RNLS: variants seen among roughly 807,000 people sequenced by gnomAD.
RNLS encodes the protein renalase.
RNLS carries 39 observed loss-of-function variants against 39.8 expected under a neutral mutation model. The ratio of observed to expected loss-of-function variants is 0.98; its 90% CI spans 0.76 to 1.28. RNLS has a LOEUF of 1.28. Among genes scored for constraint, RNLS ranks in the 50% most tolerant of loss-of-function variants. The pLI, the probability that RNLS is intolerant of heterozygous loss-of-function variation, is 0.00. For missense variants in RNLS, 410 were observed against 413.3 expected, an observed-to-expected ratio of 0.99 and a Z score of 0.07; for synonymous variants, 147 against 150.7, an observed-to-expected ratio of 0.98 and a Z score of 0.18.
At chr10:88,430,863 G>A (rs1261615083) in intron 4 of RNLS, among the ~76,000 whole-genome samples, 7 of 151,564 alleles carry the variant, frequency 4.6e-5, no homozygotes, top group Admixed American at 6.6e-5. Context: ...TTTTGTATAT[G>A]TTGTTGAATT....
chr10:88,365,556 C>CACAT (rs1491512278), intron 4 of RNLS, among the ~76,000 whole-genome samples: 1 of 134,598 alleles, frequency 7.4e-6, no homozygotes, highest in Non-Finnish European at 1.6e-5. Context: ...CACACACACA[C>CACAT]GTACGTATAT....
intron 4 of RNLS, among the ~76,000 whole-genome samples, chr10:88,363,214 G>T (rs1483406188): frequency 6.6e-6 from 1 of 152,034 alleles, no homozygotes; most frequent in Non-Finnish European, 1.5e-5. Flanking sequence ...TGGATACAAG[G>T]GGGGAATAAC....
At chr10:88,346,201 A>G (rs1848289811) in intron 5 of RNLS, among the ~76,000 whole-genome samples, 1 of 152,130 alleles carries the variant, frequency 6.6e-6, no homozygotes, top group Admixed American at 6.6e-5. Context: ...TTGTTCTTTA[A>G]CAAACTATTA....
intron 4 of RNLS, among the ~76,000 whole-genome samples, chr10:88,543,630 T>A (rs1378033780): frequency 6.6e-6 from 1 of 151,968 alleles, no homozygotes; most frequent in Non-Finnish European, 1.5e-5. Flanking sequence ...ACAGAAACAA[T>A]CCATTAAAAG....
chr10:88,246,279 C>T, the RNLS span, among the ~76,000 whole-genome samples: 1 of 152,218 alleles, frequency 6.6e-6, no homozygotes, highest in African/African-American at 2.4e-5. Context: ...TAGTCCCTTT[C>T]CCTTGGAGAC....
the RNLS span, among the ~76,000 whole-genome samples, chr10:88,181,113 G>C: frequency 1.3e-5 from 2 of 152,128 alleles, no homozygotes; most frequent in Non-Finnish European, 2.9e-5. Context: ...AGAATTTCTT[G>C]GGTTATCAGA....
At chr10:88,322,645 T>G (rs1589549834) in intron 5 of RNLS, among the ~76,000 whole-genome samples, 1 of 152,198 alleles carries the variant, frequency 6.6e-6, no homozygotes, top group Admixed American at 6.6e-5. Flanking sequence ...CAATTAAACT[T>G]CTTTACTTTA....
the RNLS span, among the ~76,000 whole-genome samples, chr10:88,204,143 C>G: frequency 4.6e-5 from 7 of 152,122 alleles, no homozygotes; most frequent in Non-Finnish European, 1.0e-4. Context: ...GGGATCAGAC[C>G]ATGGTCTGTG....
In RNLS at chr10:88,450,037, GA is replaced by G. The variant is rs76069878; in HGVS notation, c.527-87313del. On this transcript the variant is annotated intron_variant, in intron 4 of 6. Coordinates refer to ENST00000331772, the MANE Select transcript of RNLS (RefSeq NM_001031709.3). ...TTGTAAGAGCTGGGCCTTTTGGGAG[GA>G]AAAAAAAAAAAGATCTGTAAGTTGT... Among the ~76,000 whole-genome samples the G allele has an allele frequency of 3.5e-3, 492 of 140,830 alleles. 1 individual carries two copies. The highest frequency in any genetic ancestry group is 9.2e-3 in the African/African-American group (355 of 38,504). 92.4% of individuals were successfully genotyped at this position (140,830 alleles called of 152,430 possible). A position where few individuals can be genotyped will look rare whatever the true frequency, so the allele number is the denominator to read the frequency against.
intron 4 of RNLS, among the ~76,000 whole-genome samples, chr10:88,528,534 G>C (rs1282474923): frequency 6.6e-6 from 1 of 152,106 alleles, no homozygotes; most frequent in Non-Finnish European, 1.5e-5. Context: ...AGATAAACTA[G>C]TCCTGAGAGT....
chr10:88,363,976 AGGAAAATG>A (rs1372056870), intron 4 of RNLS, among the ~76,000 whole-genome samples: 1 of 152,202 alleles, frequency 6.6e-6, no homozygotes, highest in African/African-American at 2.4e-5. Flanking sequence ...AAAAATATTT[AGGAAAATG>A]GGACAAGAAA....
At chr10:88,420,032 AAATAAATAAATAAATAAATAAATAAATG>A (rs1186945378) in intron 4 of RNLS, among the ~76,000 whole-genome samples, 22 of 107,334 alleles carry the variant, frequency 2.0e-4, no homozygotes, top group African/African-American at 7.8e-4. Flanking sequence ...ATAAATAAAT[AAATAAATAAATAAATAAATAAATAAATG>A]AATGAATAAA....
the RNLS span, among the ~76,000 whole-genome samples, chr10:88,175,980 A>G: frequency 3.9e-5 from 6 of 152,080 alleles, no homozygotes; most frequent in Admixed American, 1.3e-4. Flanking sequence ...TCCCTTTATC[A>G]TTGACCTTCT....
the RNLS span, among the ~76,000 whole-genome samples, chr10:88,229,929 G>A: frequency 1.8e-4 from 27 of 152,034 alleles, no homozygotes; most frequent in African/African-American, 5.1e-4. Context: ...TGGGCATTGG[G>A]GTGGTTTCCA....
intron 4 of RNLS, among the ~76,000 whole-genome samples, chr10:88,536,400 G>T (rs534464304): frequency 6.6e-6 from 1 of 152,246 alleles, no homozygotes; most frequent in South Asian, 2.1e-4. Flanking sequence ...GCACTTTCCA[G>T]TCTTGCCACC....
intron 4 of RNLS, among the ~76,000 whole-genome samples, chr10:88,442,164 A>AT (rs1347801044): frequency 6.6e-6 from 1 of 152,222 alleles, no homozygotes; most frequent in Non-Finnish European, 1.5e-5. Context: ...TAATTCTCTT[A>AT]TATGTAGGAT....
At chr10:88,346,933 C>G (rs1202761038) in intron 5 of RNLS, among the ~76,000 whole-genome samples, 1 of 152,142 alleles carries the variant, frequency 6.6e-6, no homozygotes, top group Non-Finnish European at 1.5e-5. Flanking sequence ...TTAGACTGAT[C>G]TGAAGAGGAA....
intron 6 of RNLS, among the ~76,000 whole-genome samples, chr10:88,292,007 T>A (rs1187483660): frequency 6.6e-6 from 1 of 152,066 alleles, no homozygotes; most frequent in Non-Finnish European, 1.5e-5. Context: ...AAAACAGATT[T>A]GGGGGCAGAT....
At chr10:88,299,600 G>A (rs1437373793) in intron 6 of RNLS, among the ~76,000 whole-genome samples, 4 of 152,186 alleles carry the variant, frequency 2.6e-5, no homozygotes, top group African/African-American at 9.7e-5. Flanking sequence ...ACTCCAGCCT[G>A]CGCAATAGAG....
Sources: allele counts gnomAD v4.1 joint callset (sites outside exome capture counted in the v4.1 genomes callset), GRCh38; gene constraint gnomAD v4.1.1; transcripts MANE v1.5; gene names NCBI Gene and HGNC (gene_info 2026-07-23, HGNC 2026-07-21).